LRP1B: variants seen among roughly 807,000 people sequenced by gnomAD.
The protein encoded by LRP1B is LDL receptor related protein 1B.
LRP1B carries 217 observed loss-of-function variants against 556.6 expected under a neutral mutation model. That is an observed-to-expected ratio of 0.39 (90% CI 0.35 to 0.44). The LOEUF is 0.44. LRP1B is among the 20% of genes least tolerant of loss of function. The probability of loss-of-function intolerance (pLI) is 1.00; values close to 1 mark genes in which losing one functional copy is unlikely to be tolerated. For missense variants in LRP1B, 5,053 were observed against 5,620.8 expected, an observed-to-expected ratio of 0.90 and a Z score of 3.23; for synonymous variants, 2,047 against 1,865.8, an observed-to-expected ratio of 1.10 and a Z score of -2.50.
intron 37 of LRP1B, among the ~76,000 whole-genome samples, chr2:140,706,539 T>A (rs1010247764): frequency 6.6e-6 from 1 of 152,182 alleles, no homozygotes; most frequent in Non-Finnish European, 1.5e-5. Flanking sequence ...TTCAGAATTA[T>A]AGAAATTTTA....
At chr2:141,012,628 T>C (rs1280482410) in intron 14 of LRP1B, among the ~76,000 whole-genome samples, 1 of 151,990 alleles carries the variant, frequency 6.6e-6, no homozygotes, top group Non-Finnish European at 1.5e-5. Context: ...ATTTCCATTA[T>C]TTTATAAAAT....
chr2:141,022,702 C>G (rs1260102753), intron 11 of LRP1B, among the ~76,000 whole-genome samples: 3 of 151,814 alleles, frequency 2.0e-5, no homozygotes, highest in South Asian at 2.1e-4. Flanking sequence ...AAAGGCCAAA[C>G]AAACATCAGT....
intron 29 of LRP1B, among the ~76,000 whole-genome samples, chr2:140,848,036 T>C (rs966513909): frequency 1.3e-5 from 2 of 152,134 alleles, no homozygotes; most frequent in African/African-American, 4.8e-5. Flanking sequence ...TATAACATCT[T>C]TTGCTCTTTA....
Position 140,325,857 on chromosome 2 carries a change from C to A in LRP1B, c.12245G>T (p.Ser4082Ile), listed in dbSNP as rs1330676423. 6.2e-7 allele frequency: 1 copy of A among 1,612,252 alleles called. No homozygotes were observed. The highest frequency in any genetic ancestry group is 8.5e-7 in the Non-Finnish European group (1 of 1,178,848). The change falls in exon 80 of 91, where the codon AGT (serine) becomes ATT (isoleucine). Residue 4082 changes from serine (S) to isoleucine (I), a missense_variant. By Grantham distance (142) the Ser-to-Ile change is moderately radical (BLOSUM62 -2). This residue lies in a region of LRP1B where 22 missense variants were observed against 53.4 expected (regional missense o/e 0.41). Coordinates refer to ENST00000389484, the MANE Select transcript of LRP1B (RefSeq NM_018557.3). ...RPTGLAVDYF[S>I]ERIYWADFEL... is the part of the protein sequence containing the mutation. The stretch of plus-strand genomic sequence containing the variant: ...AAAGTCAGCCCAATATATGCGTTCA[C>A]TAAAATAATCCACAGCCAAACCTGC...
intron 1 of LRP1B, among the ~76,000 whole-genome samples, chr2:141,960,573 C>T (rs1701375828): frequency 6.6e-6 from 1 of 151,770 alleles, no homozygotes; most frequent in South Asian, 2.1e-4. Flanking sequence ...TCTAAACTAC[C>T]CATTATTTGC....
intron 77 of LRP1B, among the ~76,000 whole-genome samples, chr2:140,345,872 A>T (rs999620895): frequency 1.4e-5 from 2 of 146,002 alleles, no homozygotes; most frequent in Non-Finnish European, 3.0e-5. Context: ...ATATATATAT[A>T]TATATAAAAA....
chr2:141,771,476 A>G (rs1229159773), intron 2 of LRP1B, among the ~76,000 whole-genome samples: 1 of 152,254 alleles, frequency 6.6e-6, no homozygotes, highest in South Asian at 2.1e-4. Flanking sequence ...ATTCCTAAGT[A>G]TAAGAGAAGT....
At chr2:140,262,870 G>T (rs1349138396) in intron 86 of LRP1B, among the ~76,000 whole-genome samples, 1 of 152,130 alleles carries the variant, frequency 6.6e-6, no homozygotes, top group East Asian at 1.9e-4. Context: ...CTGTGCTGTG[G>T]AGGATATATA....
intron 3 of LRP1B, among the ~76,000 whole-genome samples, chr2:141,289,410 A>G (rs1252315982): frequency 6.7e-6 from 1 of 150,244 alleles, no homozygotes; most frequent in Non-Finnish European, 1.5e-5. Context: ...AAAAAAAGGA[A>G]TGCAAATGCA....
In LRP1B at chr2:142,003,150, C is replaced by T. The variant is rs545666506; in HGVS notation, c.82+127498G>A. On this transcript the variant is annotated intron_variant, in intron 1 of 90. Transcript: ENST00000389484. ...TAACATGTCATTGAAAGGTTCTAGG[C>T]CTTGGCCATGGGCAATATGAATCAA... Among the ~76,000 whole-genome samples, 14 of 152,306 alleles carry T rather than the reference C, an allele frequency of 9.2e-5. No individual in the cohort carries two copies. In the South Asian group the frequency reaches 2.3e-3, roughly 25 times the overall value.
intron 2 of LRP1B, among the ~76,000 whole-genome samples, chr2:141,523,961 C>T (rs901751390): frequency 1.8e-4 from 28 of 152,134 alleles, no homozygotes; most frequent in African/African-American, 5.8e-4. Flanking sequence ...CAGCTAAAGT[C>T]GCAATAAGAT....
chr2:141,017,026 A>C (rs1573984809), intron 12 of LRP1B, among the ~76,000 whole-genome samples: 1 of 152,084 alleles, frequency 6.6e-6, no homozygotes, highest in African/African-American at 2.4e-5. Context: ...AATTCTCTTA[A>C]CGGTTTCCAG....
chr2:141,614,703 C>A (rs182985839), intron 2 of LRP1B, among the ~76,000 whole-genome samples: 3 of 150,914 alleles, frequency 2.0e-5, no homozygotes, highest in Non-Finnish European at 4.4e-5. Flanking sequence ...TTTGCCTTCA[C>A]CAAAAGCTAA....
chr2:141,890,348 A>ATG (rs1294341798), intron 1 of LRP1B, among the ~76,000 whole-genome samples: 1 of 131,528 alleles, frequency 7.6e-6, no homozygotes, highest in Non-Finnish European at 1.6e-5. Context: ...ATATATATAT[A>ATG]TATGTATTGT....
intron 63 of LRP1B, among the ~76,000 whole-genome samples, chr2:140,445,563 C>A (rs530818710): frequency 6.6e-5 from 10 of 151,738 alleles, no homozygotes; most frequent in African/African-American, 2.2e-4. Context: ...ATATACTATA[C>A]GTATATTATA....
intron 43 of LRP1B, among the ~76,000 whole-genome samples, chr2:140,590,069 T>A (rs908116237): frequency 1.3e-5 from 2 of 152,030 alleles, no homozygotes; most frequent in African/African-American, 2.4e-5. Context: ...TCTACAGTTA[T>A]CTCCAAATAA....
intron 22 of LRP1B, 49 bp downstream of exon 22, chr2:140,907,828 A>T (rs1694300636): frequency 1.3e-6 from 2 of 1,516,562 alleles, no homozygotes; most frequent in African/African-American, 2.7e-5. Context: ...AACTGAACTA[A>T]AAGGTTGTAG....
intron 41 of LRP1B, among the ~76,000 whole-genome samples, chr2:140,608,550 C>A (rs1682953446): frequency 6.6e-6 from 1 of 152,174 alleles, no homozygotes; most frequent in African/African-American, 2.4e-5. Flanking sequence ...TAGTAAAACA[C>A]ATGATTTTCC....
intron 3 of LRP1B, among the ~76,000 whole-genome samples, chr2:141,344,360 C>G (rs1295709190): frequency 1.3e-5 from 2 of 151,638 alleles, no homozygotes; most frequent in African/African-American, 4.9e-5. Context: ...CTTTTATTCA[C>G]TTATCTGCTC....
Sources: allele counts gnomAD v4.1 joint callset (sites outside exome capture counted in the v4.1 genomes callset), GRCh38; gene constraint gnomAD v4.1.1; regional missense constraint gnomAD v4.1.1; transcripts MANE v1.5; gene names NCBI Gene and HGNC (gene_info 2026-07-23, HGNC 2026-07-21).